CDH4: variants seen among roughly 807,000 people sequenced by gnomAD.
CDH4 encodes cadherin-4.
Under a neutral mutation model 86.0 loss-of-function variants are expected in CDH4, and 33 were observed. The observed-to-expected ratio is 0.38, with a 90% CI of 0.29 to 0.51. CDH4 has a LOEUF of 0.51. CDH4 is among the 20% of genes least tolerant of loss of function. CDH4 has a pLI of 0.86. For synonymous variants in CDH4, 555 were observed against 549.4 expected, an observed-to-expected ratio of 1.01 and a Z score of -0.14; for missense variants, 1,114 against 1,307.4, an observed-to-expected ratio of 0.85 and a Z score of 2.28.
intron 2 of CDH4, among the ~76,000 whole-genome samples, chr20:61,528,917 A>C (rs940941362): frequency 1.3e-5 from 2 of 151,290 alleles, no homozygotes; most frequent in East Asian, 3.9e-4. Context: ...CTTACGGTCC[A>C]TAGATGACAT....
At chr20:61,653,852 C>G (rs1437217174) in intron 2 of CDH4, among the ~76,000 whole-genome samples, 3 of 138,252 alleles carry the variant, frequency 2.2e-5, no homozygotes, top group African/African-American at 7.8e-5. Flanking sequence ...ACGCTCCTCA[C>G]TTCCTAGATG....
chr20:61,280,898 C>T (rs2084255187), intron 2 of CDH4, among the ~76,000 whole-genome samples: 1 of 152,218 alleles, frequency 6.6e-6, no homozygotes. Context: ...GGTCCAGGAA[C>T]AGCTCACCCT....
chr20:61,455,235 T>C (rs1039496245), intron 2 of CDH4, among the ~76,000 whole-genome samples: 1 of 152,188 alleles, frequency 6.6e-6, no homozygotes, highest in Non-Finnish European at 1.5e-5. Flanking sequence ...GGAAAGCATA[T>C]ACACTGCTTG....
chr20:61,316,318 GA>G (rs1394913182), intron 2 of CDH4, among the ~76,000 whole-genome samples: 1 of 152,234 alleles, frequency 6.6e-6, no homozygotes, highest in Non-Finnish European at 1.5e-5. Flanking sequence ...ATCGGAGATG[GA>G]AAAGGCACTG....
At chr20:61,761,201 G>C (rs758739524) in intron 3 of CDH4, among the ~76,000 whole-genome samples, 3 of 152,104 alleles carry the variant, frequency 2.0e-5, no homozygotes, top group Non-Finnish European at 2.9e-5. Context: ...GTAAATATCC[G>C]TACTAGGTTT....
rs944252 is a variant in CDH4 at position 61,709,642 on chromosome 20, A to C, written c.170-33921A>C. ...CACAGAGTGAGCAGAGGTGCATGGC[A>C]GAGAAGGTAGCATGGTTTCCAGAGT... On this transcript the variant is annotated intron_variant, in intron 2 of 15. Coordinates refer to ENST00000614565, the MANE Select transcript of CDH4 (RefSeq NM_001794.5). This position sits in a 1 kb window ranked among gnomAD's most constrained non-coding sequence, Gnocchi z 4.8. Among the ~76,000 whole-genome samples the C allele has an allele frequency of 6.6e-6, 1 of 151,540 alleles. No individual in the cohort carries two copies. Among genetic ancestry groups the C allele is most frequent in the Non-Finnish European group, 1.5e-5 (1 of 67,952 alleles).
At chr20:61,415,979 C>T (rs1051869083) in intron 2 of CDH4, among the ~76,000 whole-genome samples, 2 of 149,224 alleles carry the variant, frequency 1.3e-5, no homozygotes, top group Non-Finnish European at 3.0e-5. Context: ...GGATTACAGG[C>T]GTGAGCCACC....
intron 2 of CDH4, among the ~76,000 whole-genome samples, chr20:61,687,916 C>G (rs1446450027): frequency 6.6e-6 from 1 of 152,192 alleles, no homozygotes; most frequent in African/African-American, 2.4e-5. Flanking sequence ...TATTCAGGTC[C>G]TTTCTCAGCA....
At chr20:61,358,272 A>G (rs2084763969) in intron 2 of CDH4, among the ~76,000 whole-genome samples, 1 of 152,070 alleles carries the variant, frequency 6.6e-6, no homozygotes, top group Admixed American at 6.5e-5. Context: ...CTGTGTGCTG[A>G]GTGGGGTCAT....
At chr20:61,760,176 G>A (rs1360994877) in intron 3 of CDH4, among the ~76,000 whole-genome samples, 1 of 152,192 alleles carries the variant, frequency 6.6e-6, no homozygotes, top group Non-Finnish European at 1.5e-5. Context: ...GTAGGGGGAG[G>A]GGGTGGGTGG....
chr20:61,665,701 G>A (rs978392007), intron 2 of CDH4, among the ~76,000 whole-genome samples: 3 of 152,194 alleles, frequency 2.0e-5, no homozygotes, highest in Non-Finnish European at 4.4e-5. Context: ...TGTGCACGCA[G>A]CCAAGGGCAG....
chr20:61,504,114 T>C (rs556403448), intron 2 of CDH4, among the ~76,000 whole-genome samples: 9 of 152,324 alleles, frequency 5.9e-5, no homozygotes, highest in African/African-American at 2.2e-4. Context: ...TTTGCAACTT[T>C]CTTGGAGGGC....
chr20:61,263,616 G>A (rs2084140011), intron 2 of CDH4, among the ~76,000 whole-genome samples: 1 of 152,208 alleles, frequency 6.6e-6, no homozygotes, highest in Admixed American at 6.5e-5. Flanking sequence ...TTTCCAGGAG[G>A]AATTTACTTA....
chr20:61,723,178 C>A (rs917953588), intron 2 of CDH4, among the ~76,000 whole-genome samples: 5 of 152,200 alleles, frequency 3.3e-5, no homozygotes, highest in Admixed American at 6.5e-5. Context: ...AAGAAGTCCT[C>A]AGCAATATCC....
At chr20:61,701,385 T>C (rs1457258460) in intron 2 of CDH4, among the ~76,000 whole-genome samples, 1 of 152,174 alleles carries the variant, frequency 6.6e-6, no homozygotes, top group African/African-American at 2.4e-5. Flanking sequence ...GATGTCAGGG[T>C]CGTGGCTGTG....
intron 2 of CDH4, among the ~76,000 whole-genome samples, chr20:61,359,928 C>G (rs2084774815): frequency 6.6e-6 from 1 of 152,222 alleles, no homozygotes; most frequent in African/African-American, 2.4e-5. Flanking sequence ...GGAAAGTGAT[C>G]AGAGAACAGG....
intron 4 of CDH4, among the ~76,000 whole-genome samples, chr20:61,836,117 A>G (rs1187402273): frequency 1.3e-5 from 2 of 152,198 alleles, no homozygotes; most frequent in African/African-American, 4.8e-5. Flanking sequence ...CATTGGTGAG[A>G]GAAGCTGATT....
intron 2 of CDH4, among the ~76,000 whole-genome samples, chr20:61,442,039 G>A (rs753666923): frequency 1.3e-5 from 2 of 152,184 alleles, no homozygotes; most frequent in Non-Finnish European, 2.9e-5. Context: ...TGATGAGCAC[G>A]AATGTGACCC....
chr20:61,440,206 C>T (rs752463293), intron 2 of CDH4, among the ~76,000 whole-genome samples: 23 of 152,308 alleles, frequency 1.5e-4, no homozygotes, highest in South Asian at 4.1e-4. Flanking sequence ...TGGAGTTCAA[C>T]CAGATAACCA....
Sources: gnomAD v4.1 joint callset for allele counts (sites outside exome capture counted in the v4.1 genomes callset) on GRCh38, gnomAD v4.1.1 for gene constraint, Gnocchi (gnomAD v3.1) non-coding constraint, MANE v1.5 for transcripts, NCBI Gene and HGNC (gene_info 2026-07-23, HGNC 2026-07-21) for gene names.